Variants in CNTRL observed in about 807,000 individuals in gnomAD.
CNTRL encodes 110 kDa centrosomal protein.
CNTRL carries 233 observed loss-of-function variants against 303.7 expected under a neutral mutation model. The ratio of observed to expected loss-of-function variants is 0.77; its 90% CI spans 0.69 to 0.86. CNTRL has a LOEUF of 0.86. CNTRL is among the 40% of genes least tolerant of loss of function. The pLI is 0.00. For missense variants in CNTRL, 2,524 were observed against 2,650.6 expected (o/e 0.95, Z 1.05); for synonymous variants, 900 against 922.2 (o/e 0.98, Z 0.44).
intron 1 of CNTRL, among the ~76,000 whole-genome samples, chr9:121,076,961 GAGAC>G (rs1484681072): frequency 6.6e-6 from 1 of 152,140 alleles, no homozygotes; most frequent in African/African-American, 2.4e-5. Flanking sequence ...AGTCTGTAGA[GAGAC>G]AGAAGGAGGT....
At position 121,173,315 on chromosome 9, in the gene CNTRL, G is replaced by T. The variant is rs184930359; in HGVS notation, c.6490G>T (p.Val2164Leu). The change falls in exon 41 of 44, where the codon GTG (valine) becomes TTG (leucine). Residue 2164 changes from valine to leucine, a missense_variant. By Grantham distance (32) the Val-to-Leu change is conservative. Coordinates refer to ENST00000373855, the MANE Select transcript of CNTRL (RefSeq NM_007018.6). ...SDAMRTLKSEVKDEIRTSLKN... is the reference protein window; with the variant it reads ...SDAMRTLKSELKDEIRTSLKN... ...TGCAATGAGGACACTTAAATCTGAG[G>T]TGAAGGATGAAATCAGAACCAGCTT... 1 of 1,614,068 alleles carries T rather than the reference G, an allele frequency of 6.2e-7. No individual in the cohort carries two copies. The highest frequency in any genetic ancestry group is 8.5e-7 in the Non-Finnish European group (1 of 1,179,956).
chr9:121,167,709 A>G lies in CNTRL; in HGVS notation c.5844+32A>G, dbSNP rs917221065. On this transcript the variant is annotated intron_variant, in intron 37 of 43. Coordinates refer to ENST00000373855, the MANE Select transcript of CNTRL (RefSeq NM_007018.6). ...CACATTTATGATTTTACATAAAAAAAGCATTTTGTGGCTCATGTGAGCCTA... is the reference window on the plus strand; with the variant it reads ...CACATTTATGATTTTACATAAAAAAGGCATTTTGTGGCTCATGTGAGCCTA... 10 of 1,588,610 alleles carry G rather than the reference A, an allele frequency of 6.3e-6. No individual in the cohort carries two copies. In the African/African-American group the frequency reaches 6.8e-5, roughly 11 times the overall value.
rs778483161 is a variant in CNTRL, at chr9:121,112,586, A to G, written c.1122+8A>G. 6.1e-5 allele frequency: 98 copies of G among 1,611,794 alleles called. No individual in the cohort carries two copies. Among genetic ancestry groups the G allele is most frequent in the Non-Finnish European group, 8.1e-5 (95 of 1,178,654 alleles). ...AATTATTATCCATCAGAGGTGAGTT[A>G]TTTTAATTTTTTAGTAATCCAAAGT... On this transcript the variant is annotated splice_region_variant and intron_variant, in intron 9 of 43. Coordinates refer to ENST00000373855, the MANE Select transcript of CNTRL (RefSeq NM_007018.6).
In CNTRL at chr9:121,135,809, C is replaced by CT; in HGVS notation, c.2031dup (p.Ala678CysfsTer12). On this transcript the variant is annotated frameshift_variant, in exon 15 of 44. Transcript: ENST00000373855. LOFTEE classifies it high-confidence loss of function. Reference sequence around the variant, plus strand: ...TAAACCCACTGAATCTTTCTAGGAGCTTGCAGAGCTAGAAAGTGCCCTCCA... The same window carrying CT: ...TAAACCCACTGAATCTTTCTAGGAGCTTTGCAGAGCTAGAAAGTGCCCTCCA... The CT allele has an allele frequency of 1.2e-6, 2 of 1,608,858 alleles. No homozygotes were observed. Among genetic ancestry groups the CT allele is most frequent in the Non-Finnish European group, 1.7e-6 (2 of 1,177,688 alleles).
In CNTRL at chr9:121,116,531, C is replaced by T. The variant is rs953670992; in HGVS notation, c.1455+1331C>T. The stretch of plus-strand genomic sequence containing the variant: ...AGAGATGGAGTCTCACCATATTGAC[C>T]AGGCTGGTCTTGAACTCTTAGGCTC... On this transcript the variant is annotated intron_variant, in intron 11 of 43. Coordinates refer to ENST00000373855, the MANE Select transcript of CNTRL (RefSeq NM_007018.6). Among the ~76,000 whole-genome samples the T allele has an allele frequency of 7.9e-5, 12 of 152,162 alleles. No homozygotes were observed. In the South Asian group the frequency reaches 2.1e-3, roughly 26 times the overall value.
rs377475181 is a variant in CNTRL, at chr9:121,167,660, C to T, written c.5827C>T (p.Leu1943=). 1 of 1,613,766 alleles carries T rather than the reference C, an allele frequency of 6.2e-7. No homozygotes were observed. Among genetic ancestry groups the T allele is most frequent in the Non-Finnish European group, 8.5e-7 (1 of 1,179,874 alleles). Residue 1943 remains leucine, a synonymous_variant, in exon 37 of 44, where the codon CTA becomes TTA. Transcript: ENST00000373855. ...TGAGATTGAAGAAAACAAGCTCAAA[C>T]TAGTCCAACAAGAAATGGTACTACA... is the stretch of plus-strand genomic sequence containing the variant. The part of the protein sequence containing the change: ...QNEIEENKLK[L]VQQEMMFQRL...
chr9:121,094,463 A>G (rs1036122408), intron 4 of CNTRL, among the ~76,000 whole-genome samples: 1 of 152,144 alleles, frequency 6.6e-6, no homozygotes, highest in African/African-American at 2.4e-5. Flanking sequence ...TCATAACCTA[A>G]TCACCACATG....
At chr9:121,140,326 A>T (rs554981620) in intron 16 of CNTRL, among the ~76,000 whole-genome samples, 1 of 152,256 alleles carries the variant, frequency 6.6e-6, no homozygotes, top group African/African-American at 2.4e-5. Context: ...CAGATGATCT[A>T]TGGCCAGGAT....
chr9:121,159,961 C>A (rs1000433505), intron 31 of CNTRL, among the ~76,000 whole-genome samples, 182 bp from the exon 32 acceptor site: 1 of 152,124 alleles, frequency 6.6e-6, no homozygotes, highest in Non-Finnish European at 1.5e-5. Flanking sequence ...ATGTTACTTT[C>A]TTCTATTATA....
intron 19 of CNTRL, 39 bp from the exon 20 acceptor site, chr9:121,143,864 A>G (rs996666484): frequency 6.6e-7 from 1 of 1,508,110 alleles, no homozygotes; most frequent in African/African-American, 1.4e-5. Flanking sequence ...ATTCCTGCCA[A>G]ATGATTCATC....
Position 121,088,504 on chromosome 9 carries a change from G to A in CNTRL, c.178G>A (p.Asp60Asn), listed in dbSNP as rs751778364. Residue 60 changes from aspartate (D) to asparagine (N), a missense_variant, in exon 3 of 44, where the codon GAT becomes AAT. Coordinates refer to ENST00000373855, the MANE Select transcript of CNTRL (RefSeq NM_007018.6). Reference protein sequence around the residue: ...GQWCEQVEIADENNMLLDYQD... With the variant: ...GQWCEQVEIANENNMLLDYQD... ...GTGGTGTGAGCAAGTTGAGATTGCA[G>A]ATGAAAACAATATGCTTTTGGACTA... 14 of 1,611,810 alleles carry A rather than the reference G, an allele frequency of 8.7e-6. No individual in the cohort carries two copies. In the South Asian group the frequency reaches 1.5e-4, roughly 18 times the overall value.
intron 25 of CNTRL, chr9:121,150,691 G>A (rs1335623919): frequency 1.8e-6 from 1 of 549,236 alleles, no homozygotes; most frequent in Non-Finnish European, 3.2e-6. Context: ...CTACTCAGGA[G>A]ACTGAGACAA....
At position 121,177,538 on chromosome 9, in the gene CNTRL, T is replaced by C; in HGVS notation, c.*352T>C. ...AAGAATGTACTTAAGGCCCTCTTTA[T>C]TTATAGTGTCGAGTTATTTTTGAAT... On this transcript the variant is annotated 3_prime_UTR_variant, in exon 44 of 44. Coordinates refer to ENST00000373855, the MANE Select transcript of CNTRL (RefSeq NM_007018.6). 1 of 253,336 alleles carries C rather than the reference T, an allele frequency of 3.9e-6. No homozygotes were observed. Among genetic ancestry groups the C allele is most frequent in the Non-Finnish European group, 7.5e-6 (1 of 133,506 alleles). 15.7% of individuals were successfully genotyped at this position (253,336 alleles called of 1,614,324 possible).
At chr9:121,097,815 T>G (rs1214519200) in intron 6 of CNTRL, among the ~76,000 whole-genome samples, 1 of 152,224 alleles carries the variant, frequency 6.6e-6, no homozygotes, top group East Asian at 1.9e-4. Context: ...ATATTTGACA[T>G]TGGCATTATG....
chr9:121,164,883 C>T, intron 34 of CNTRL, 60 bp from the exon 35 acceptor site: 2 of 1,324,116 alleles, frequency 1.5e-6, no homozygotes, highest in Non-Finnish European at 2.1e-6. Flanking sequence ...TAACACTGTT[C>T]CTCAGTCATC....
rs1588323187 is a variant in CNTRL, at chr9:121,166,023, T to C, written c.5582-84T>C. On this transcript the variant is annotated intron_variant, in intron 35 of 43. Transcript: ENST00000373855. ...TAACAGGAGTAAGCTTAAAACAACT[T>C]CTCTACTTTTTGGGAATGCTAATGG... 3 of 1,020,026 alleles carry C rather than the reference T, an allele frequency of 2.9e-6. No individual in the cohort carries two copies. In the African/African-American group the frequency reaches 4.9e-5, roughly 17 times the overall value. 63.2% of individuals were successfully genotyped at this position (1,020,026 alleles called of 1,614,324 possible). A position where few individuals can be genotyped will look rare whatever the true frequency, so the allele number is the denominator to read the frequency against.
At chr9:121,123,175 T>G (rs1038096860) in intron 12 of CNTRL, among the ~76,000 whole-genome samples, 1 of 152,180 alleles carries the variant, frequency 6.6e-6, no homozygotes, top group Non-Finnish European at 1.5e-5. Flanking sequence ...AAAATCCCCA[T>G]GTAATCCTTC....
chr9:121,090,570 T>C (rs981818662), intron 4 of CNTRL, among the ~76,000 whole-genome samples, 165 bp downstream of exon 4: 3 of 152,220 alleles, frequency 2.0e-5, no homozygotes, highest in Non-Finnish European at 2.9e-5. Flanking sequence ...AATTAATAAG[T>C]TTCTATTACT....
intron 7 of CNTRL, among the ~76,000 whole-genome samples, chr9:121,106,750 A>G (rs2049496257): frequency 6.6e-6 from 1 of 152,196 alleles, no homozygotes. Context: ...GGTTTGATCC[A>G]ACTTGAGAAA....
Sources: gnomAD v4.1 joint callset for allele counts (sites outside exome capture counted in the v4.1 genomes callset) on GRCh38, gnomAD v4.1.1 for gene constraint, MANE v1.5 for transcripts, NCBI Gene and HGNC (gene_info 2026-07-23, HGNC 2026-07-21) for gene names.